Variants in TRIM71 observed in about 807,000 individuals in gnomAD.
TRIM71 encodes the protein E3 ubiquitin-protein ligase TRIM71.
TRIM71 carries 9 observed loss-of-function variants against 61.2 expected under a neutral mutation model. That is an observed-to-expected ratio of 0.15 (90% CI 0.09 to 0.26). The LOEUF (loss-of-function observed/expected upper bound fraction) is 0.26. TRIM71 is among the 10% of genes least tolerant of loss of function. The pLI, the probability that TRIM71 is intolerant of heterozygous loss-of-function variation, is 1.00. For missense variants in TRIM71, 998 were observed against 1,238.7 expected (o/e 0.81, Z 2.92); for synonymous variants, 645 against 553.2 (o/e 1.17, Z -2.33).
chr3:32,863,021 A>T (rs2125685634), intron 1 of TRIM71, among the ~76,000 whole-genome samples: 2 of 152,230 alleles, frequency 1.3e-5, no homozygotes, highest in East Asian at 1.9e-4. Flanking sequence ...GAAGTAAATT[A>T]TGTGGGGCCA....
chr3:32,888,650 C>T (rs989953058), intron 3 of TRIM71, among the ~76,000 whole-genome samples: 1 of 152,026 alleles, frequency 6.6e-6, no homozygotes, highest in Non-Finnish European at 1.5e-5. Flanking sequence ...AAGCGATTCT[C>T]CTGCCTCAGC....
intron 3 of TRIM71, 27 bp downstream of exon 3, chr3:32,886,095 G>C (rs202185045): frequency 1.7e-5 from 27 of 1,599,752 alleles, no homozygotes; most frequent in Non-Finnish European, 2.1e-5. Context: ...CCCCACCCAG[G>C]CTGTGCCCAC....
intron 1 of TRIM71, among the ~76,000 whole-genome samples, chr3:32,827,307 A>C (rs1696214537): frequency 7.1e-6 from 1 of 140,694 alleles, no homozygotes; most frequent in African/African-American, 2.6e-5. Flanking sequence ...TCTGTTGCCT[A>C]GGCTGGAGTG....
intron 1 of TRIM71, among the ~76,000 whole-genome samples, chr3:32,854,165 T>C (rs1340566114): frequency 6.6e-6 from 1 of 152,002 alleles, no homozygotes; most frequent in African/African-American, 2.4e-5. Flanking sequence ...ATTTTTTAAA[T>C]TTTTTTGTAG....
chr3:32,883,440 CT>C (rs1696929941), intron 2 of TRIM71, among the ~76,000 whole-genome samples: 1 of 152,238 alleles, frequency 6.6e-6, no homozygotes, highest in East Asian at 1.9e-4. Flanking sequence ...CTCATCCTGG[CT>C]TTTGGCAGTT....
chr3:32,824,327 G>A (rs1054364236), intron 1 of TRIM71, among the ~76,000 whole-genome samples: 9 of 151,280 alleles, frequency 5.9e-5, no homozygotes, highest in African/African-American at 2.2e-4. Flanking sequence ...ACAGGCGCTC[G>A]TCACCTTGTC....
chr3:32,859,230 A>C (rs1199052974), intron 1 of TRIM71, among the ~76,000 whole-genome samples: 1 of 152,188 alleles, frequency 6.6e-6, no homozygotes, highest in East Asian at 1.9e-4. Context: ...AAAAAGAGGA[A>C]AAACATGATG....
At position 32,873,997 on chromosome 3, in the gene TRIM71, C is replaced by G. The variant is rs1178035329; in HGVS notation, c.1020+12C>G. 1 of 1,594,962 alleles carries G rather than the reference C, an allele frequency of 6.3e-7. No individual in the cohort carries two copies. Among genetic ancestry groups the G allele is most frequent in the Non-Finnish European group, 8.5e-7 (1 of 1,171,266 alleles). On this transcript the variant is annotated intron_variant, in intron 2 of 3. Transcript: ENST00000383763. ...GACAGGCAATCCAGGTGAGCCTTCC[C>G]TGCCCTTCTGCAGTTCCCACGTGAA...
chr3:32,834,327 A>G (rs1696308108), intron 1 of TRIM71, among the ~76,000 whole-genome samples: 1 of 152,270 alleles, frequency 6.6e-6, no homozygotes, highest in Admixed American at 6.5e-5. Context: ...CACAACAGCT[A>G]CAAATTTCAT....
intron 2 of TRIM71, among the ~76,000 whole-genome samples, chr3:32,881,814 T>A (rs1464011267): frequency 6.6e-6 from 1 of 152,254 alleles, no homozygotes; most frequent in Non-Finnish European, 1.5e-5. Context: ...AGTCCTGGTC[T>A]GCACATCTTG....
chr3:32,828,179 G>A (rs771939371), intron 1 of TRIM71, among the ~76,000 whole-genome samples: 33 of 152,118 alleles, frequency 2.2e-4, no homozygotes, highest in Non-Finnish European at 4.3e-4. Context: ...TCCGAGATCA[G>A]TGTCAAAGGG....
chr3:32,840,492 A>G (rs1696391651), intron 1 of TRIM71, among the ~76,000 whole-genome samples: 1 of 152,180 alleles, frequency 6.6e-6, no homozygotes, highest in South Asian at 2.1e-4. Flanking sequence ...ACTTTACTCC[A>G]TTATGTTTAG....
intron 1 of TRIM71, among the ~76,000 whole-genome samples, chr3:32,851,120 C>G (rs1471212437): frequency 7.9e-5 from 12 of 152,192 alleles, no homozygotes; most frequent in African/African-American, 2.4e-4. Context: ...TCAGCTTACA[C>G]ATTTTAAAAC....
At chr3:32,871,812 T>C (rs1488446270) in intron 1 of TRIM71, among the ~76,000 whole-genome samples, 2 of 152,174 alleles carry the variant, frequency 1.3e-5, no homozygotes, top group Admixed American at 1.3e-4. Context: ...TCAAAATTAG[T>C]AGGAAAGTTA....
At chr3:32,868,686 GTTT>G (rs374629897) in intron 1 of TRIM71, among the ~76,000 whole-genome samples, 1 of 140,092 alleles carries the variant, frequency 7.1e-6, no homozygotes, top group African/African-American at 2.6e-5. Flanking sequence ...AGACATTAGG[GTTT>G]TTTTTTTTTT....
Position 32,890,476 on chromosome 3 carries a change from G to C in TRIM71, c.1272G>C (p.Glu424Asp), listed in dbSNP as rs1206741682. 1.2e-6 allele frequency: 2 copies of C among 1,614,212 alleles called. No individual in the cohort carries two copies. Among genetic ancestry groups the C allele is most frequent in the South Asian group, 1.1e-5 (1 of 91,090 alleles). ...GTGCCGTGCAGCAGGTCCTGGAGGA[G>C]GGTAGAGCGCTAGACATCCTACTGG... ...TISAVQQVLEEGRALDILLAR... is the reference protein window; with the variant it reads ...TISAVQQVLEDGRALDILLAR... The change falls in exon 4 of 4, where the codon GAG (glutamate) becomes GAC (aspartate). Residue 424 changes from glutamate (E) to aspartate (D), a missense_variant. Around this residue, in one of 5 missense-constraint regions of TRIM71, gnomAD observed 291 missense variants for 431.2 expected, o/e 0.67. Coordinates refer to ENST00000383763, the MANE Select transcript of TRIM71 (RefSeq NM_001039111.3). The surrounding 1 kb of genome is among the most constrained non-coding windows in gnomAD (Gnocchi z 6.2).
At position 32,854,401 on chromosome 3, in the gene TRIM71, C is replaced by A. The variant is rs190902617; in HGVS notation, c.853-19417C>A. ...ATATACATGTAAAGATGCTTCTGGA[C>A]ATTGCTTAGGCTGTTCAGGCTCTGA... On this transcript the variant is annotated intron_variant, in intron 1 of 3. Transcript: ENST00000383763. 9.6e-4 allele frequency among the ~76,000 whole-genome samples: 146 copies of A among 152,280 alleles called. 3 individuals are homozygous for A. The highest frequency in any genetic ancestry group is 3.7e-3 in the Admixed American group (56 of 15,300).
intron 1 of TRIM71, among the ~76,000 whole-genome samples, chr3:32,819,774 C>A (rs1696107074): frequency 6.6e-6 from 1 of 152,194 alleles, no homozygotes; most frequent in African/African-American, 2.4e-5. Context: ...CCAAGCCCTA[C>A]AGGAACCGGT....
rs576957672 is a variant in TRIM71, at chr3:32,842,396, T to G, written c.852+23464T>G. On this transcript the variant is annotated intron_variant, in intron 1 of 3. Transcript: ENST00000383763. Reference sequence around the variant, plus strand: ...GCTTTTCTTAGATTTGGGTGAGAGTTCCTGAAAAAAATTTCAGTAAAAATT... The same window carrying G: ...GCTTTTCTTAGATTTGGGTGAGAGTGCCTGAAAAAAATTTCAGTAAAAATT... Among the ~76,000 whole-genome samples the G allele has an allele frequency of 8.5e-4, 129 of 152,256 alleles. 1 individual carries two copies. The South Asian group carries it at 0.011, about 13-fold the overall frequency.
Sources: gnomAD v4.1 joint callset for allele counts (sites outside exome capture counted in the v4.1 genomes callset) on GRCh38, gnomAD v4.1.1 for gene constraint, gnomAD v4.1.1 regional missense constraint, Gnocchi (gnomAD v3.1) non-coding constraint, MANE v1.5 for transcripts, NCBI Gene and HGNC (gene_info 2026-07-23, HGNC 2026-07-21) for gene names.